WBP2NL: variants seen among roughly 807,000 people sequenced by gnomAD.
WBP2NL encodes WBP2 N-terminal like.
A neutral mutation model predicts 23.3 loss-of-function variants in WBP2NL; 27 were observed. The observed-to-expected ratio is 1.16, with a 90% CI of 0.85 to 1.60. The LOEUF (loss-of-function observed/expected upper bound fraction) is 1.60. WBP2NL is among the 40% of genes most tolerant of loss of function. WBP2NL has a pLI of 0.00. For synonymous variants in WBP2NL, 151 were observed against 145.9 expected (o/e 1.03, Z -0.25); for missense variants, 370 against 389.5 (o/e 0.95, Z 0.42).
At chr22:42,021,076 A>T (rs570857028) in intron 4 of WBP2NL, among the ~76,000 whole-genome samples, 71 of 150,186 alleles carry the variant, frequency 4.7e-4, no homozygotes, top group African/African-American at 1.6e-3. Flanking sequence ...TCCACCACCA[A>T]GCCCAGCTAA....
At chr22:42,033,775 C>T (rs965622314), downstream of WBP2NL, among the ~76,000 whole-genome samples, 6 of 152,168 alleles carry the variant, frequency 3.9e-5, no homozygotes, top group East Asian at 1.9e-4. Flanking sequence ...TGCAGCTGGT[C>T]GTCCCAACAT....
intron 8 of WBP2NL, among the ~76,000 whole-genome samples, chr22:42,038,892 C>A (rs1459578642): frequency 6.6e-6 from 1 of 150,782 alleles, no homozygotes; most frequent in Non-Finnish European, 1.5e-5. Flanking sequence ...GCGTGAGCCA[C>A]TGCGTCCAGC....
intron 1 of WBP2NL, among the ~76,000 whole-genome samples, chr22:42,012,746 A>C (rs970911963): frequency 1.3e-5 from 2 of 152,094 alleles, no homozygotes; most frequent in Admixed American, 6.6e-5. Context: ...TAATCACAGC[A>C]CTTTGGGAGG....
chr22:42,004,953 T>G (rs1292554592), intron 1 of WBP2NL, among the ~76,000 whole-genome samples: 1 of 151,884 alleles, frequency 6.6e-6, no homozygotes, highest in Non-Finnish European at 1.5e-5. Flanking sequence ...GCATGGTGGC[T>G]CATGCCTGTC....
intron 8 of WBP2NL, among the ~76,000 whole-genome samples, chr22:42,054,195 A>AT (rs1367640306): frequency 0.011 from 1,719 of 150,244 alleles, 24 homozygotes; most frequent in African/African-American, 0.034. Context: ...TAAAAAAAAA[A>AT]TTTTTTTTTT....
chr22:42,038,803 C>T (rs1224262520), intron 8 of WBP2NL, among the ~76,000 whole-genome samples: 1 of 152,116 alleles, frequency 6.6e-6, no homozygotes, highest in Non-Finnish European at 1.5e-5. Flanking sequence ...GGGGTTTCAC[C>T]GTGTTAGCCA....
At chr22:42,039,255 T>C (rs1925305830) in intron 8 of WBP2NL, among the ~76,000 whole-genome samples, 1 of 151,800 alleles carries the variant, frequency 6.6e-6, no homozygotes, top group African/African-American at 2.4e-5. Context: ...TATTTTTTTT[T>C]AGTAGAGACA....
chr22:42,004,600 C>T (rs1334163645), intron 1 of WBP2NL, among the ~76,000 whole-genome samples: 3 of 151,814 alleles, frequency 2.0e-5, no homozygotes, highest in African/African-American at 7.3e-5. Flanking sequence ...GACCCTGTCT[C>T]AAAAAAGAGA....
chr22:42,027,128 C>T lies in WBP2NL; in HGVS notation c.877C>T (p.Pro293Ser), dbSNP rs990198290. 1 of 1,613,926 alleles carries T rather than the reference C, an allele frequency of 6.2e-7. No individual in the cohort carries two copies. The highest frequency in any genetic ancestry group is 8.5e-7 in the Non-Finnish European group (1 of 1,179,980). Residue 293 changes from proline to serine, a missense_variant, in exon 6 of 6, where the codon CCT becomes TCT. By Grantham distance (74) the Pro-to-Ser change is moderately conservative. Coordinates refer to ENST00000328823, the MANE Select transcript of WBP2NL (RefSeq NM_152613.3). ...RPQESTAAQA[P>S]ENEASLPSAS... ...TCAGGAATCTACAGCAGCCCAGGCT[C>T]CTGAAAACGAGGCTTCTCTTCCCTC...
intron 1 of WBP2NL, among the ~76,000 whole-genome samples, chr22:42,015,033 A>G (rs1269899850): frequency 6.6e-6 from 1 of 152,112 alleles, no homozygotes; most frequent in African/African-American, 2.4e-5. Context: ...GTTCCTTTGC[A>G]TGCCTAGTGA....
chr22:41,999,660 T>C (rs1216064709), intron 1 of WBP2NL, among the ~76,000 whole-genome samples: 3 of 152,056 alleles, frequency 2.0e-5, no homozygotes, highest in Non-Finnish European at 2.9e-5. Context: ...CCCAGCTGCT[T>C]GGGAGGCGAT....
At chr22:42,016,809 G>T (rs1272262370) in intron 1 of WBP2NL, among the ~76,000 whole-genome samples, 1 of 152,042 alleles carries the variant, frequency 6.6e-6, no homozygotes, top group Non-Finnish European at 1.5e-5. Context: ...ACTATTTTAG[G>T]AATTCTTAAA....
chr22:42,041,415 G>A (rs573336569), intron 8 of WBP2NL, among the ~76,000 whole-genome samples: 1 of 150,524 alleles, frequency 6.6e-6, no homozygotes, highest in Admixed American at 6.6e-5. Context: ...CCAGGAGGCG[G>A]AGGTTACAGT....
chr22:42,004,633 C>T (rs558251844), intron 1 of WBP2NL, among the ~76,000 whole-genome samples: 2 of 152,000 alleles, frequency 1.3e-5, no homozygotes, highest in East Asian at 1.9e-4. Flanking sequence ...ATGTTAAAGA[C>T]GAAGCCTGGG....
At chr22:42,004,537 T>TTACACTTGAACCTGGGAGGAG (rs1922022787) in intron 1 of WBP2NL, among the ~76,000 whole-genome samples, 1 of 152,056 alleles carries the variant, frequency 6.6e-6, no homozygotes, top group South Asian at 2.1e-4. Flanking sequence ...GAGGTTACAG[T>TTACACTTGAACCTGGGAGGAG]GAGCTGAGAT....
At chr22:42,024,097 C>T (rs1009629227) in intron 5 of WBP2NL, among the ~76,000 whole-genome samples, 2 of 152,102 alleles carry the variant, frequency 1.3e-5, no homozygotes, top group Non-Finnish European at 2.9e-5. Context: ...AATATGTGAC[C>T]TTTTGTGTTT....
At chr22:42,019,189 C>A in intron 1 of WBP2NL, 122 bp from the exon 2 acceptor site, 1 of 820,596 alleles carries the variant, frequency 1.2e-6, no homozygotes, top group Non-Finnish European at 1.9e-6. Context: ...CCACTGCACT[C>A]CCGCCTGGGC....
chr22:42,021,498 A>G (rs1569450297), intron 4 of WBP2NL, among the ~76,000 whole-genome samples: 1 of 152,196 alleles, frequency 6.6e-6, no homozygotes, highest in Non-Finnish European at 1.5e-5. Flanking sequence ...TGACAAGATT[A>G]CCCTAGATTA....
chr22:42,020,977 T>C (rs969954562), intron 4 of WBP2NL, among the ~76,000 whole-genome samples: 7 of 126,904 alleles, frequency 5.5e-5, no homozygotes. Context: ...TGGAGTGCAA[T>C]CATGCAATCT....
Sources: allele counts gnomAD v4.1 joint callset (sites outside exome capture counted in the v4.1 genomes callset), GRCh38; gene constraint gnomAD v4.1.1; transcripts MANE v1.5; gene names NCBI Gene and HGNC (gene_info 2026-07-23, HGNC 2026-07-21).